The following PTPRG variants were observed in gnomAD, a reference collection of about 807,000 sequenced individuals.
PTPRG encodes the protein protein tyrosine phosphatase receptor type G.
A neutral mutation model predicts 165.3 loss-of-function variants in PTPRG; 102 were observed. The ratio of observed to expected loss-of-function variants is 0.62; its 90% CI spans 0.53 to 0.73. PTPRG has a LOEUF of 0.73. Ranked by LOEUF, PTPRG falls within the 30% of genes least tolerant of loss-of-function variation. The pLI, the probability that PTPRG is intolerant of heterozygous loss-of-function variation, is 0.00. For synonymous variants in PTPRG, 675 were observed against 669.5 expected (o/e 1.01, Z -0.13); for missense variants, 1,866 against 1,861.4 (o/e 1.00, Z -0.05).
intron 2 of PTPRG, among the ~76,000 whole-genome samples, chr3:61,757,157 T>C (rs563686154): frequency 6.6e-6 from 1 of 152,198 alleles, no homozygotes; most frequent in Non-Finnish European, 1.5e-5. Context: ...ATAATATGGG[T>C]AATATGGTCC....
rs573288255 is a variant in PTPRG at position 61,647,312 on chromosome 3, G to A, written c.85+84940G>A. Among the ~76,000 whole-genome samples the A allele has an allele frequency of 5.3e-5, 8 of 152,264 alleles. No individual in the cohort carries two copies. The South Asian group carries it at 1.2e-3, about 24-fold the overall frequency. On this transcript the variant is annotated intron_variant, in intron 1 of 29. Transcript: ENST00000474889. ...ATTTTTAAACAAAAGAGGAATTGCA[G>A]TTTTCTTACATGCCAGATATTATAC... is the stretch of plus-strand genomic sequence containing the variant.
chr3:62,249,071 T>A (rs1439441101), intron 15 of PTPRG, among the ~76,000 whole-genome samples: 3 of 152,164 alleles, frequency 2.0e-5, no homozygotes, highest in African/African-American at 7.2e-5. Flanking sequence ...CATTGTGTCA[T>A]AAATGAAAAG....
chr3:61,822,926 T>C (rs544638730), intron 2 of PTPRG, among the ~76,000 whole-genome samples: 15 of 152,336 alleles, frequency 9.8e-5, no homozygotes, highest in African/African-American at 3.6e-4. Flanking sequence ...CGATGGTGAC[T>C]TGAAAACACC....
chr3:61,786,674 G>T (rs1389217024), intron 2 of PTPRG, among the ~76,000 whole-genome samples: 1 of 152,114 alleles, frequency 6.6e-6, no homozygotes, highest in Non-Finnish European at 1.5e-5. Flanking sequence ...TTACCTTTGT[G>T]CTTCTATTTT....
At chr3:62,194,013 G>T (rs1410110858) in intron 9 of PTPRG, among the ~76,000 whole-genome samples, 1 of 152,166 alleles carries the variant, frequency 6.6e-6, no homozygotes, top group Non-Finnish European at 1.5e-5. Context: ...GTGAGGAAGA[G>T]GGACCTGGAT....
chr3:62,177,113 A>G (rs1387536185), intron 8 of PTPRG, among the ~76,000 whole-genome samples: 2 of 152,006 alleles, frequency 1.3e-5, no homozygotes, highest in East Asian at 3.9e-4. Context: ...AAAAGAAAAA[A>G]AAATTTATCT....
rs573181969 is a variant in PTPRG, at chr3:62,214,906, G to A, written c.2156-3945G>A. Among the ~76,000 whole-genome samples the A allele has an allele frequency of 5.3e-5, 8 of 152,274 alleles. No homozygotes were observed. The South Asian group carries it at 1.2e-3, about 24-fold the overall frequency. ...CCCTTAAGAGATAGTACAAACTGGC[G>A]GCTTCGGGAAGCCTCACAGAGAAGG... On this transcript the variant is annotated intron_variant, in intron 12 of 29. Coordinates refer to ENST00000474889, the MANE Select transcript of PTPRG (RefSeq NM_002841.4). The surrounding 1 kb of genome is among the most constrained non-coding windows in gnomAD (Gnocchi z 5.2).
At chr3:62,179,749 C>T (rs1464326940) in intron 8 of PTPRG, among the ~76,000 whole-genome samples, 1 of 152,208 alleles carries the variant, frequency 6.6e-6, no homozygotes, top group Non-Finnish European at 1.5e-5. Flanking sequence ...CTTCTTGGGT[C>T]CCTTTGACCA....
intron 1 of PTPRG, among the ~76,000 whole-genome samples, chr3:61,610,750 C>CCTCCCTCCCTCA (rs1701140587): frequency 2.6e-4 from 1 of 3,828 alleles, no homozygotes; most frequent in Non-Finnish European, 3.3e-3. Context: ...TGCCTCCCTG[C>CCTCCCTCCCTCA]CTCCCTCCCT....
intron 2 of PTPRG, among the ~76,000 whole-genome samples, chr3:61,813,418 G>A (rs578141932): frequency 6.6e-6 from 1 of 150,828 alleles, no homozygotes; most frequent in South Asian, 2.1e-4. Flanking sequence ...GGGAGGCTGA[G>A]GCACCGAGAA....
chr3:61,805,181 G>A (rs2035374619), intron 2 of PTPRG, among the ~76,000 whole-genome samples: 1 of 152,108 alleles, frequency 6.6e-6, no homozygotes, highest in Admixed American at 6.5e-5. Context: ...TTTTACTCCA[G>A]AAGGGGCTTT....
At chr3:61,593,222 T>C (rs1207369006) in intron 1 of PTPRG, among the ~76,000 whole-genome samples, 1 of 152,128 alleles carries the variant, frequency 6.6e-6, no homozygotes, top group Non-Finnish European at 1.5e-5. Flanking sequence ...TCATGGCATA[T>C]CCCTGTATAC....
intron 5 of PTPRG, chr3:62,124,687 A>C: frequency 1.5e-6 from 1 of 659,748 alleles, no homozygotes; most frequent in Non-Finnish European, 2.6e-6. Context: ...CTGCTGAGCT[A>C]GCTGCGCTTG....
At chr3:61,730,736 G>A (rs570770388) in intron 1 of PTPRG, among the ~76,000 whole-genome samples, 27 of 152,300 alleles carry the variant, frequency 1.8e-4, no homozygotes, top group African/African-American at 6.5e-4. Context: ...GTCATGTGGT[G>A]AATTGGGCAC....
At chr3:62,112,293 CG>C (rs2106862494) in intron 5 of PTPRG, among the ~76,000 whole-genome samples, 1 of 151,852 alleles carries the variant, frequency 6.6e-6, no homozygotes, top group South Asian at 2.1e-4. Context: ...TTACTAGAGG[CG>C]GGTTTCACTA....
chr3:61,887,058 T>C (rs1304751799), intron 2 of PTPRG, among the ~76,000 whole-genome samples: 1 of 139,258 alleles, frequency 7.2e-6, no homozygotes, highest in Non-Finnish European at 1.6e-5. Flanking sequence ...CATCTCTTAT[T>C]TTCTGATTGT....
chr3:61,768,280 A>G (rs2034098953), intron 2 of PTPRG, among the ~76,000 whole-genome samples: 1 of 152,274 alleles, frequency 6.6e-6, no homozygotes, highest in South Asian at 2.1e-4. Context: ...TGGTAGGGAT[A>G]TTTACTACAG....
intron 1 of PTPRG, among the ~76,000 whole-genome samples, chr3:61,595,900 A>G (rs1004937208): frequency 1.7e-4 from 26 of 152,238 alleles, no homozygotes; most frequent in African/African-American, 5.8e-4. Flanking sequence ...AAGTGTTAGT[A>G]CCATTGTGTT....
chr3:62,084,934 A>G (rs1701697246), intron 5 of PTPRG, among the ~76,000 whole-genome samples: 2 of 152,226 alleles, frequency 1.3e-5, no homozygotes, highest in Non-Finnish European at 2.9e-5. Context: ...ATTTCATGGA[A>G]ACACATTTAG....
Sources: gnomAD v4.1 joint callset for allele counts (sites outside exome capture counted in the v4.1 genomes callset) on GRCh38, gnomAD v4.1.1 for gene constraint, Gnocchi (gnomAD v3.1) non-coding constraint, MANE v1.5 for transcripts, NCBI Gene and HGNC (gene_info 2026-07-23, HGNC 2026-07-21) for gene names.